The following ADAMTSL3 variants were observed in gnomAD, a reference collection of about 807,000 sequenced individuals.
ADAMTSL3 encodes ADAMTS-like protein 3.
In ADAMTSL3, 128 loss-of-function variants were observed where a neutral mutation model predicts 201.7. That is an observed-to-expected ratio of 0.63 (90% CI 0.55 to 0.73). ADAMTSL3 has a LOEUF of 0.73. Ranked by LOEUF, ADAMTSL3 falls within the 30% of genes least tolerant of loss-of-function variation. ADAMTSL3 has a pLI of 0.00. For synonymous variants in ADAMTSL3, 738 were observed against 748.4 expected (o/e 0.99, Z 0.23); for missense variants, 1,990 against 2,119.6 (o/e 0.94, Z 1.20).
At chr15:83,960,484 T>A (rs1237611912) in intron 19 of ADAMTSL3, among the ~76,000 whole-genome samples, 1 of 152,146 alleles carries the variant, frequency 6.6e-6, no homozygotes. Context: ...TGACAGAGAC[T>A]AGATCCTGGA....
At chr15:83,760,878 A>C (rs1328185716) in intron 3 of ADAMTSL3, among the ~76,000 whole-genome samples, 3 of 152,066 alleles carry the variant, frequency 2.0e-5, no homozygotes, top group Admixed American at 6.6e-5. Flanking sequence ...TGTCTCTTTT[A>C]AACAGAATAT....
intron 2 of ADAMTSL3, among the ~76,000 whole-genome samples, chr15:83,686,721 C>T (rs1339956598): frequency 6.6e-6 from 1 of 152,114 alleles, no homozygotes; most frequent in East Asian, 1.9e-4. Context: ...AAGACTGCAT[C>T]TTGGTGAGTA....
chr15:83,807,914 C>T (rs566488181), intron 5 of ADAMTSL3, among the ~76,000 whole-genome samples: 1 of 152,114 alleles, frequency 6.6e-6, no homozygotes, highest in Admixed American at 6.6e-5. Flanking sequence ...ATAAACTGTG[C>T]TGGGAAAATT....
At chr15:83,708,652 T>A (rs1429645909) in intron 3 of ADAMTSL3, among the ~76,000 whole-genome samples, 1 of 152,234 alleles carries the variant, frequency 6.6e-6, no homozygotes, top group Non-Finnish European at 1.5e-5. Context: ...GGACTTTGGA[T>A]TCTTTATTTC....
chr15:83,883,907 T>C (rs984711154), intron 9 of ADAMTSL3, among the ~76,000 whole-genome samples: 2 of 150,380 alleles, frequency 1.3e-5, no homozygotes, highest in African/African-American at 4.9e-5. Flanking sequence ...ACTTTTTTTT[T>C]TTTAGATGGA....
chr15:83,674,758 C>T lies in ADAMTSL3; in HGVS notation c.69+18928C>T, dbSNP rs1223940068. 6.4e-3 allele frequency among the ~76,000 whole-genome samples: 623 copies of T among 96,728 alleles called. 6 individuals carry two copies. Among genetic ancestry groups the T allele is most frequent in the African/African-American group, 8.0e-3 (198 of 24,732 alleles). The allele number at this position is 96,728 out of a possible 152,430, so 63.5% of individuals were successfully genotyped here. On this transcript the variant is annotated intron_variant, in intron 2 of 29. Coordinates refer to ENST00000286744, the MANE Select transcript of ADAMTSL3 (RefSeq NM_207517.3). ...ACACACATATATACATATATACACA[C>T]ATATATACATATATATATATATATA...
chr15:83,876,251 T>G (rs1285355596), intron 9 of ADAMTSL3, among the ~76,000 whole-genome samples: 2 of 152,176 alleles, frequency 1.3e-5, no homozygotes, highest in Non-Finnish European at 2.9e-5. Flanking sequence ...ATTGTTGTTT[T>G]GTTCAGACCA....
chr15:83,747,705 G>C (rs757532059), intron 3 of ADAMTSL3, among the ~76,000 whole-genome samples: 4 of 152,098 alleles, frequency 2.6e-5, no homozygotes, highest in Non-Finnish European at 4.4e-5. Flanking sequence ...TTTACTTTTT[G>C]TCTACTTCGT....
chr15:83,778,150 G>A (rs1234544253), intron 4 of ADAMTSL3, among the ~76,000 whole-genome samples: 1 of 152,100 alleles, frequency 6.6e-6, no homozygotes, highest in Non-Finnish European at 1.5e-5. Context: ...ACTTACTGGT[G>A]TCCCTGAAAA....
At chr15:83,754,290 T>C (rs1053754997) in intron 3 of ADAMTSL3, among the ~76,000 whole-genome samples, 9 of 152,172 alleles carry the variant, frequency 5.9e-5, no homozygotes, top group African/African-American at 2.2e-4. Flanking sequence ...ATCTGTAGCA[T>C]CTGACTGCAG....
At chr15:83,805,452 G>A (rs1316058957) in intron 5 of ADAMTSL3, among the ~76,000 whole-genome samples, 1 of 151,930 alleles carries the variant, frequency 6.6e-6, no homozygotes, top group Non-Finnish European at 1.5e-5. Flanking sequence ...AGCTACTTTA[G>A]AGGCTGAGGA....
intron 2 of ADAMTSL3, among the ~76,000 whole-genome samples, chr15:83,701,351 G>A (rs2061774759): frequency 6.6e-6 from 1 of 152,182 alleles, no homozygotes; most frequent in African/African-American, 2.4e-5. Context: ...GGGTGATAGT[G>A]TGATGGTAGC....
intron 2 of ADAMTSL3, among the ~76,000 whole-genome samples, chr15:83,662,701 C>T (rs2061191660): frequency 6.6e-6 from 1 of 152,012 alleles, no homozygotes; most frequent in Admixed American, 6.6e-5. Context: ...GCTTCAGGTA[C>T]CTGAAGTTGC....
chr15:83,797,853 C>T (rs2063453197), intron 4 of ADAMTSL3, among the ~76,000 whole-genome samples: 1 of 152,124 alleles, frequency 6.6e-6, no homozygotes, highest in African/African-American at 2.4e-5. Flanking sequence ...GTAAATATGC[C>T]TAACATGGTG....
rs1014443564 is a variant in ADAMTSL3, at chr15:83,978,105, G to T, written c.2645-4168G>T. Among the ~76,000 whole-genome samples, 6 of 152,128 alleles carry T rather than the reference G, an allele frequency of 3.9e-5. No individual in the cohort carries two copies. The East Asian group carries it at 1.2e-3, about 29-fold the overall frequency. On this transcript the variant is annotated intron_variant, in intron 20 of 29. Coordinates refer to ENST00000286744, the MANE Select transcript of ADAMTSL3 (RefSeq NM_207517.3). ...AGGAAGGTATTGATGCTGTGTCATG[G>T]CCAGAGCAAATGCTGCCAAGACCAT...
intron 3 of ADAMTSL3, among the ~76,000 whole-genome samples, chr15:83,765,763 C>T (rs780162521): frequency 6.6e-6 from 1 of 152,050 alleles, no homozygotes; most frequent in African/African-American, 2.4e-5. Flanking sequence ...AATATGATTT[C>T]CTAAGAGATC....
chr15:83,901,141 G>T (rs948066343), intron 15 of ADAMTSL3, among the ~76,000 whole-genome samples: 10 of 152,296 alleles, frequency 6.6e-5, no homozygotes, highest in Admixed American at 1.3e-4. Context: ...CACTGTCAGT[G>T]CTGGCTATGA....
Position 83,804,652 on chromosome 15 carries a change from A to G in ADAMTSL3, c.320A>G (p.Asn107Ser). 1 of 1,569,672 alleles carries G rather than the reference A, an allele frequency of 6.4e-7. No homozygotes were observed. Among genetic ancestry groups the G allele is most frequent in the Non-Finnish European group, 8.6e-7 (1 of 1,158,258 alleles). The change falls in exon 5 of 30, where the codon AAT (asparagine) becomes AGT (serine). Residue 107 changes from asparagine (N) to serine (S), a missense_variant and splice_region_variant. Asn to Ser is a conservative substitution (Grantham distance 46, BLOSUM62 1). Transcript: ENST00000286744. Reference protein sequence around the residue: ...YSLRRCLTGRNCEGQNIRYKT... With the variant: ...YSLRRCLTGRSCEGQNIRYKT... ...TTCTTCTTTCTTTTTTCCTTTAGGA[A>G]TTGTGAAGGGCAGAACATTCGGTAC...
At chr15:83,983,524 C>A (rs568145867) in intron 21 of ADAMTSL3, among the ~76,000 whole-genome samples, 180 bp downstream of exon 21, 1 of 152,218 alleles carries the variant, frequency 6.6e-6, no homozygotes, top group Admixed American at 6.5e-5. Context: ...TTTTTAAATT[C>A]AACCGCCATA....
Sources: allele counts gnomAD v4.1 joint callset (sites outside exome capture counted in the v4.1 genomes callset), GRCh38; gene constraint gnomAD v4.1.1; transcripts MANE v1.5; gene names NCBI Gene and HGNC (gene_info 2026-07-23, HGNC 2026-07-21).